The following VPS13B variants were observed in gnomAD, a reference collection of about 807,000 sequenced individuals.
VPS13B encodes the protein vacuolar protein sorting 13 homolog B.
Under a neutral mutation model 426.4 loss-of-function variants are expected in VPS13B, and 285 were observed. The observed-to-expected ratio is 0.67, with a 90% confidence interval of 0.61 to 0.74. The LOEUF (loss-of-function observed/expected upper bound fraction) is 0.74, where lower values mean the gene tolerates loss of function less well. Ranked by LOEUF, VPS13B falls within the 30% of genes least tolerant of loss-of-function variation. The probability of loss-of-function intolerance (pLI) is 0.00; values close to 1 mark genes in which losing one functional copy is unlikely to be tolerated. For missense variants in VPS13B, 4,537 were observed against 4,782.6 expected (o/e 0.95, Z 1.51); for synonymous variants, 1,676 against 1,676.4 (o/e 1.00, Z 0.01).
In VPS13B at chr8:99,818,791, G is replaced by T; in HGVS notation, c.8524G>T (p.Gly2842Ter). ...IIIHLEKRSL[G>*]LSETQIIPGK... ...CATACATTTGGAGAAAAGGAGTCTG[G>T]GATTGAGTGAAACACAAATTATTCC... The change falls in exon 47 of 62, where the codon GGA (glycine) becomes TGA (stop). Residue 2842 changes from glycine (G) to a stop codon, truncating the protein, a stop_gained. Transcript: ENST00000357162. LOFTEE classifies it high-confidence loss of function. The T allele has an allele frequency of 6.2e-7, 1 of 1,613,938 alleles. No homozygotes were observed. Among genetic ancestry groups the T allele is most frequent in the Non-Finnish European group, 8.5e-7 (1 of 1,179,944 alleles).
chr8:99,170,185 G>C (rs541492377), intron 16 of VPS13B, 22 bp downstream of exon 16: 2 of 1,610,690 alleles, frequency 1.2e-6, no homozygotes, highest in South Asian at 2.2e-5. Flanking sequence ...ATGTTAAAAT[G>C]TGATTTATGT....
intron 19 of VPS13B, among the ~76,000 whole-genome samples, chr8:99,370,613 T>A (rs1813123989): frequency 6.9e-6 from 1 of 145,598 alleles, no homozygotes; most frequent in Non-Finnish European, 1.5e-5. Flanking sequence ...GGCTTTTTTT[T>A]TTTTTTTTTT....
At chr8:99,670,897 G>C (rs1465237478) in intron 35 of VPS13B, among the ~76,000 whole-genome samples, 2 of 152,058 alleles carry the variant, frequency 1.3e-5, no homozygotes, top group Non-Finnish European at 2.9e-5. Context: ...TGAATACTTA[G>C]GTTGATTCTA....
At chr8:99,364,365 G>A (rs1812725488) in intron 19 of VPS13B, among the ~76,000 whole-genome samples, 2 of 151,842 alleles carry the variant, frequency 1.3e-5, no homozygotes, top group African/African-American at 4.8e-5. Context: ...GCTGAATTTG[G>A]TTTGCTATTA....
chr8:99,472,569 T>A (rs1334762866), intron 24 of VPS13B, among the ~76,000 whole-genome samples: 1 of 150,792 alleles, frequency 6.6e-6, no homozygotes, highest in East Asian at 1.9e-4. Flanking sequence ...TTTAAAGACA[T>A]ATTAGAAAGG....
intron 30 of VPS13B, among the ~76,000 whole-genome samples, chr8:99,555,070 C>T (rs1366826453): frequency 1.3e-5 from 2 of 152,054 alleles, no homozygotes; most frequent in Non-Finnish European, 2.9e-5. Flanking sequence ...CCCCTTTTCC[C>T]GTGTTCATAA....
rs540907221 is a variant in VPS13B, at chr8:99,162,198, C to T, written c.2208+5455C>T. ...TGATGTGACTCCATTTACCAGTTTGCTATAAAGTTTATAGCAGTTCATATT... is the reference window on the plus strand; with the variant it reads ...TGATGTGACTCCATTTACCAGTTTGTTATAAAGTTTATAGCAGTTCATATT... On this transcript the variant is annotated intron_variant, in intron 15 of 61. Coordinates refer to ENST00000357162, the MANE Select transcript of VPS13B (RefSeq NM_152564.5). Among the ~76,000 whole-genome samples, 3 of 152,112 alleles carry T rather than the reference C, an allele frequency of 2.0e-5. No homozygotes were observed. The East Asian group carries it at 5.8e-4, about 29-fold the overall frequency.
intron 35 of VPS13B, among the ~76,000 whole-genome samples, chr8:99,688,048 A>G (rs556495964): frequency 1.2e-4 from 18 of 151,900 alleles, no homozygotes; most frequent in African/African-American, 3.9e-4. Flanking sequence ...GCCTAGTGAT[A>G]TAACAGCATG....
intron 30 of VPS13B, among the ~76,000 whole-genome samples, chr8:99,548,519 C>T (rs906492101): frequency 2.0e-5 from 3 of 151,818 alleles, no homozygotes; most frequent in African/African-American, 7.2e-5. Flanking sequence ...TAAATTTATA[C>T]ATTATGATTT....
At chr8:99,048,486 T>G (rs1843346611) in intron 3 of VPS13B, among the ~76,000 whole-genome samples, 1 of 152,158 alleles carries the variant, frequency 6.6e-6, no homozygotes, top group Non-Finnish European at 1.5e-5. Context: ...CTGTCTATCT[T>G]GTTTCTTAGA....
At chr8:99,676,476 A>G (rs981063275) in intron 35 of VPS13B, among the ~76,000 whole-genome samples, 15 of 151,968 alleles carry the variant, frequency 9.9e-5, no homozygotes, top group Non-Finnish European at 1.8e-4. Context: ...AGATTTTACT[A>G]TGGCAGGCCC....
At chr8:99,115,626 A>G (rs996567799) in intron 6 of VPS13B, 74 bp from the exon 7 acceptor site, 2 of 1,467,764 alleles carry the variant, frequency 1.4e-6, no homozygotes, top group African/African-American at 2.8e-5. Context: ...TAAAGACTTT[A>G]AAACATTTCT....
intron 31 of VPS13B, among the ~76,000 whole-genome samples, chr8:99,560,020 T>G (rs1824817422): frequency 1.3e-5 from 2 of 152,200 alleles, no homozygotes; most frequent in Non-Finnish European, 2.9e-5. Flanking sequence ...TTCATGATAT[T>G]GATTCTTCCT....
chr8:99,381,385 C>T (rs867025910), intron 19 of VPS13B, among the ~76,000 whole-genome samples: 19 of 152,086 alleles, frequency 1.2e-4, no homozygotes, highest in Middle Eastern at 3.4e-3. Flanking sequence ...TGTGTCTTTA[C>T]GGTAGAATCA....
intron 41 of VPS13B, among the ~76,000 whole-genome samples, chr8:99,777,385 C>A (rs569784356): frequency 6.6e-6 from 1 of 152,094 alleles, no homozygotes. Flanking sequence ...AGGAGCAGGT[C>A]ACGTCTTACA....
chr8:99,645,705 T>C (rs1290140869), intron 34 of VPS13B, among the ~76,000 whole-genome samples: 1 of 152,236 alleles, frequency 6.6e-6, no homozygotes, highest in Non-Finnish European at 1.5e-5. Context: ...GATATTCTAG[T>C]GGAGCTCTAA....
chr8:99,123,131 A>G (rs1848030378), intron 8 of VPS13B, among the ~76,000 whole-genome samples: 1 of 150,780 alleles, frequency 6.6e-6, no homozygotes, highest in Non-Finnish European at 1.5e-5. Context: ...CCAAAAAAAA[A>G]AAAAAAAAAA....
intron 33 of VPS13B, among the ~76,000 whole-genome samples, chr8:99,597,538 A>G (rs767713927): frequency 2.0e-5 from 3 of 152,016 alleles, no homozygotes; most frequent in Non-Finnish European, 4.4e-5. Context: ...AGGTGTAAAG[A>G]GAAGTGTTCT....
At chr8:99,393,226 A>G (rs1814537287) in intron 21 of VPS13B, among the ~76,000 whole-genome samples, 1 of 152,136 alleles carries the variant, frequency 6.6e-6, no homozygotes, top group Non-Finnish European at 1.5e-5. Context: ...ACAGATTTTG[A>G]AATGCATCTG....
Sources: gnomAD v4.1 joint callset for allele counts (sites outside exome capture counted in the v4.1 genomes callset) on GRCh38, gnomAD v4.1.1 for gene constraint, MANE v1.5 for transcripts, NCBI Gene and HGNC (gene_info 2026-07-23, HGNC 2026-07-21) for gene names.